Variants in PIK3C2A observed in about 807,000 individuals in gnomAD.
PIK3C2A encodes phosphatidylinositol 4-phosphate 3-kinase C2 domain-containing subunit alpha.
A neutral mutation model predicts 204.5 loss-of-function variants in PIK3C2A; 97 were observed. The observed-to-expected ratio is 0.47, with a 90% CI of 0.40 to 0.56. The LOEUF is 0.56. Ranked by LOEUF, PIK3C2A falls within the 20% of genes least tolerant of loss-of-function variation. The pLI, the probability that PIK3C2A is intolerant of heterozygous loss-of-function variation, is 0.00. For missense variants in PIK3C2A, 1,735 were observed against 1,969.2 expected (o/e 0.88, Z 2.25); for synonymous variants, 653 against 664.4 (o/e 0.98, Z 0.26).
At chr11:17,121,408 C>T (rs995263637) in intron 15 of PIK3C2A, among the ~76,000 whole-genome samples, 4 of 152,188 alleles carry the variant, frequency 2.6e-5, no homozygotes, top group Non-Finnish European at 5.9e-5. Context: ...TGAGCCACCA[C>T]GCCCAGTCTC....
At chr11:17,091,080 A>G (rs374415378) in intron 32 of PIK3C2A, among the ~76,000 whole-genome samples, 1 of 152,046 alleles carries the variant, frequency 6.6e-6, no homozygotes, top group Admixed American at 6.6e-5. Context: ...TCTCAAAACA[A>G]TGGACACAGA....
intron 26 of PIK3C2A, among the ~76,000 whole-genome samples, chr11:17,099,440 A>G (rs1436190107): frequency 6.6e-6 from 1 of 152,172 alleles, no homozygotes; most frequent in Non-Finnish European, 1.5e-5. Flanking sequence ...CCAGCTATTC[A>G]GGAGGCTGAG....
At position 17,168,906 on chromosome 11, in the gene PIK3C2A, G is replaced by A. The variant is rs770044730; in HGVS notation, c.836C>T (p.Pro279Leu). The change falls in exon 2 of 33, where the codon CCT (proline) becomes CTT (leucine). Residue 279 changes from proline (P) to leucine (L), a missense_variant. Pro to Leu is a moderately conservative substitution (Grantham distance 98, BLOSUM62 -3). Around this residue, in one of 6 missense-constraint regions of PIK3C2A, gnomAD observed 536 missense variants for 546.7 expected, o/e 0.98. Coordinates refer to ENST00000691414, the MANE Select transcript of PIK3C2A (RefSeq NM_002645.4). ...TAATACCTCCACATTATCCACCTTA[G>A]GCTTACTTAGAGGATCCAAGTCTAA... The part of the protein sequence containing the change: ...DWLDLDPLSK[P>L]KVDNVEVLDH... 6.2e-7 allele frequency: 1 copy of A among 1,613,990 alleles called. No homozygotes were observed. Among genetic ancestry groups the A allele is most frequent in the South Asian group, 1.1e-5 (1 of 91,080 alleles).
At chr11:17,139,066 C>T (rs1016049311) in intron 8 of PIK3C2A, among the ~76,000 whole-genome samples, 2 of 151,942 alleles carry the variant, frequency 1.3e-5, no homozygotes, top group Non-Finnish European at 2.9e-5. Flanking sequence ...TGCCACCACG[C>T]CCAGCTAATT....
At chr11:17,189,313 T>A (rs1308372865) in intron 1 of PIK3C2A, among the ~76,000 whole-genome samples, 1 of 146,994 alleles carries the variant, frequency 6.8e-6, no homozygotes, top group Non-Finnish European at 1.5e-5. Flanking sequence ...CTTTGTTTTA[T>A]AGAAGCTGTC....
In PIK3C2A at chr11:17,132,040, T is replaced by C; in HGVS notation, c.2109-2A>G. 2 of 1,491,806 alleles carry C rather than the reference T, an allele frequency of 1.3e-6. No individual in the cohort carries two copies. The highest frequency in any genetic ancestry group is 1.8e-6 in the Non-Finnish European group (2 of 1,093,884). The allele number at this position is 1,491,806 out of a possible 1,614,324, so 92.4% of individuals were successfully genotyped here. ...CATATCAAGTAGTATTTTTCATAAC[T>C]GAGAAAAGAAAGTTTAACTTGATTT... is the stretch of plus-strand genomic sequence containing the variant. On this transcript the variant is annotated splice_acceptor_variant, in intron 11 of 32. Transcript: ENST00000691414. LOFTEE classifies it high-confidence loss of function.
intron 3 of PIK3C2A, among the ~76,000 whole-genome samples, chr11:17,151,685 C>A (rs780383707): frequency 6.6e-6 from 1 of 152,030 alleles, no homozygotes; most frequent in East Asian, 1.9e-4. Flanking sequence ...CTACTACTTA[C>A]CTGATAGGGT....
At chr11:17,119,750 C>A in intron 16 of PIK3C2A, 36 bp downstream of exon 16, 3 of 1,340,490 alleles carry the variant, frequency 2.2e-6, no homozygotes, top group South Asian at 1.5e-5. Flanking sequence ...GAAAAACTGA[C>A]AATAAAACAA....
intron 24 of PIK3C2A, 37 bp from the exon 25 acceptor site, chr11:17,101,471 C>A: frequency 8.0e-7 from 1 of 1,255,944 alleles, no homozygotes; most frequent in Middle Eastern, 2.0e-4. Flanking sequence ...ATATTATTTA[C>A]AGAAGATACT....
At chr11:17,108,004 A>AG (rs1334434824) in intron 22 of PIK3C2A, among the ~76,000 whole-genome samples, 9 of 152,170 alleles carry the variant, frequency 5.9e-5, no homozygotes, top group African/African-American at 2.2e-4. Flanking sequence ...CCCAGCAGCC[A>AG]GGACTACAGA....
intron 1 of PIK3C2A, among the ~76,000 whole-genome samples, chr11:17,178,294 T>C (rs1358076259): frequency 1.3e-5 from 2 of 152,112 alleles, no homozygotes; most frequent in African/African-American, 4.8e-5. Context: ...CATTAGCACA[T>C]CTCAATTTGG....
intron 8 of PIK3C2A, among the ~76,000 whole-genome samples, chr11:17,140,938 G>C (rs774965374): frequency 1.3e-5 from 2 of 152,084 alleles, no homozygotes; most frequent in African/African-American, 2.4e-5. Flanking sequence ...AAAGTGTAAG[G>C]GTGAGCCATG....
intron 27 of PIK3C2A, among the ~76,000 whole-genome samples, chr11:17,095,568 G>A (rs1487350001): frequency 6.6e-6 from 1 of 151,544 alleles, no homozygotes; most frequent in African/African-American, 2.4e-5. Context: ...TCCAGCCTGG[G>A]CAACAGAGCA....
At chr11:17,130,137 T>C (rs1849648558) in intron 12 of PIK3C2A, among the ~76,000 whole-genome samples, 1 of 152,158 alleles carries the variant, frequency 6.6e-6, no homozygotes, top group African/African-American at 2.4e-5. Context: ...GATGTAAGAA[T>C]TCACACAAAC....
intron 22 of PIK3C2A, among the ~76,000 whole-genome samples, chr11:17,109,259 C>T (rs1848920862): frequency 6.6e-6 from 1 of 152,190 alleles, no homozygotes; most frequent in African/African-American, 2.4e-5. Flanking sequence ...ACTTTTAGAG[C>T]TTTCAGCTTA....
chr11:17,136,405 G>C (rs180831637), intron 9 of PIK3C2A, 77 bp downstream of exon 9: 2 of 1,074,140 alleles, frequency 1.9e-6, no homozygotes, highest in East Asian at 4.9e-5. Flanking sequence ...ACAATATTTT[G>C]TCTAGGATAA....
At chr11:17,096,363 T>A (rs1329926805) in intron 27 of PIK3C2A, among the ~76,000 whole-genome samples, 2 of 152,182 alleles carry the variant, frequency 1.3e-5, no homozygotes, top group African/African-American at 4.8e-5. Context: ...AAAGTTACAA[T>A]ACTTTAAAGC....
chr11:17,199,619 G>A (rs1169201105), intron 1 of PIK3C2A, among the ~76,000 whole-genome samples: 3 of 152,170 alleles, frequency 2.0e-5, no homozygotes, highest in African/African-American at 4.8e-5. Flanking sequence ...CCAATCACAC[G>A]AAAGATCTAG....
At chr11:17,105,952 T>C (rs1349073443) in intron 22 of PIK3C2A, among the ~76,000 whole-genome samples, 1 of 151,162 alleles carries the variant, frequency 6.6e-6, no homozygotes, top group East Asian at 1.9e-4. Context: ...CTACTAAAAA[T>C]ACAAAAATTA....
Sources: gnomAD v4.1 joint callset for allele counts (sites outside exome capture counted in the v4.1 genomes callset) on GRCh38, gnomAD v4.1.1 for gene constraint, gnomAD v4.1.1 regional missense constraint, MANE v1.5 for transcripts, NCBI Gene and HGNC (gene_info 2026-07-23, HGNC 2026-07-21) for gene names.